The following TENM3 variants were observed in gnomAD, a reference collection of about 807,000 sequenced individuals.
TENM3 encodes teneurin-3.
A neutral mutation model predicts 255.1 loss-of-function variants in TENM3; 63 were observed. The observed-to-expected ratio is 0.25, with a 90% CI of 0.20 to 0.30. The LOEUF (loss-of-function observed/expected upper bound fraction) is 0.30, where lower values mean the gene tolerates loss of function less well. Among genes scored for constraint, TENM3 ranks in the 10% least tolerant of loss-of-function variants. The pLI is 1.00. For synonymous variants in TENM3, 1,306 were observed against 1,322.3 expected, an observed-to-expected ratio of 0.99 and a Z score of 0.27; for missense variants, 2,929 against 3,461.1, an observed-to-expected ratio of 0.85 and a Z score of 3.86.
chr4:182,498,712 G>A (rs557496515), intron 3 of TENM3, among the ~76,000 whole-genome samples: 117 of 152,204 alleles, frequency 7.7e-4, no homozygotes, highest in Middle Eastern at 3.4e-3. Flanking sequence ...AAAATTAGCC[G>A]GGCGTGGTGG....
intron 12 of TENM3, among the ~76,000 whole-genome samples, chr4:182,698,824 G>A (rs1341609133): frequency 6.6e-6 from 1 of 152,198 alleles, no homozygotes; most frequent in East Asian, 1.9e-4. Context: ...GCTACTGAGA[G>A]GTAAATTTCT....
At chr4:182,661,661 A>T (rs919433722) in intron 6 of TENM3, among the ~76,000 whole-genome samples, 1 of 152,162 alleles carries the variant, frequency 6.6e-6, no homozygotes, top group Non-Finnish European at 1.5e-5. Flanking sequence ...TTATAAAAAG[A>T]TATGTTCTCT....
the TENM3 span, among the ~76,000 whole-genome samples, chr4:181,625,793 G>A: frequency 6.7e-6 from 1 of 149,496 alleles, no homozygotes; most frequent in Non-Finnish European, 1.5e-5. Context: ...CAGCCTGGGC[G>A]ACAGAGCAAG....
At chr4:182,083,255 T>C in the TENM3 span, among the ~76,000 whole-genome samples, 32 of 152,322 alleles carry the variant, frequency 2.1e-4, no homozygotes, top group Middle Eastern at 6.8e-3. Flanking sequence ...TTGGGTCAAA[T>C]TGGGAGAACC....
At chr4:181,486,742 G>T in the TENM3 span, among the ~76,000 whole-genome samples, 3 of 152,052 alleles carry the variant, frequency 2.0e-5, no homozygotes, top group Non-Finnish European at 4.4e-5. Context: ...ATAAAAATTC[G>T]TTCTAGGTTA....
chr4:181,818,629 T>C, the TENM3 span, among the ~76,000 whole-genome samples: 1 of 150,556 alleles, frequency 6.6e-6, no homozygotes, highest in African/African-American at 2.5e-5. Flanking sequence ...TTTTTTTTGA[T>C]TTGGAGTTTA....
chr4:182,334,539 A>G (rs937170543), intron 2 of TENM3, among the ~76,000 whole-genome samples: 1 of 152,142 alleles, frequency 6.6e-6, no homozygotes, highest in African/African-American at 2.4e-5. Flanking sequence ...AAATGGAGTT[A>G]ATATGTATTT....
chr4:182,513,410 G>T (rs1272484514), intron 3 of TENM3, among the ~76,000 whole-genome samples: 3 of 151,694 alleles, frequency 2.0e-5, no homozygotes, highest in Non-Finnish European at 4.4e-5. Context: ...TAGGATTATG[G>T]AATTATTTTT....
the TENM3 span, among the ~76,000 whole-genome samples, chr4:181,723,123 G>A: frequency 0.16 from 24,487 of 151,788 alleles, 2,186 homozygotes; most frequent in South Asian, 0.24. Flanking sequence ...TCAGCAAATC[G>A]TCAAGATAAA....
At chr4:181,683,065 A>G in the TENM3 span, among the ~76,000 whole-genome samples, 1 of 151,554 alleles carries the variant, frequency 6.6e-6, no homozygotes, top group Non-Finnish European at 1.5e-5. Context: ...ATTTAAAAAA[A>G]TTAAATAAAA....
intron 2 of TENM3, among the ~76,000 whole-genome samples, chr4:182,334,789 TAAATTAAGATGGATTAAAGAC>T (rs1376919154): frequency 5.9e-5 from 9 of 152,082 alleles, no homozygotes; most frequent in Admixed American, 5.9e-4. Context: ...TATTCAAAAA[TAAATTAAGATGGATTAAAGAC>T]AAATGTAAAA....
intron 22 of TENM3, chr4:182,772,738 G>A (rs957055768): frequency 1.3e-5 from 2 of 151,488 alleles, no homozygotes; most frequent in Non-Finnish European, 2.9e-5. Context: ...TCTTGTATTT[G>A]TCTGCTAAAA....
At chr4:182,463,474 T>TC (rs1214252328) in intron 3 of TENM3, among the ~76,000 whole-genome samples, 2 of 149,562 alleles carry the variant, frequency 1.3e-5, no homozygotes, top group African/African-American at 4.9e-5. Context: ...TAGTATCACT[T>TC]TTTTTTTTTT....
chr4:182,261,690 C>T (rs1413674531), intron 1 of TENM3, among the ~76,000 whole-genome samples: 1 of 152,344 alleles, frequency 6.6e-6, no homozygotes, highest in East Asian at 1.9e-4. Context: ...AAATCCAAAT[C>T]GGGGCATTCC....
chr4:182,619,533 A>G (rs1749893153), intron 4 of TENM3, among the ~76,000 whole-genome samples: 2 of 152,340 alleles, frequency 1.3e-5, no homozygotes, highest in East Asian at 1.9e-4. Flanking sequence ...TTAAGAAGAC[A>G]TAAGAGCAAC....
At chr4:181,449,647 C>G in the TENM3 span, among the ~76,000 whole-genome samples, 1 of 151,926 alleles carries the variant, frequency 6.6e-6, no homozygotes, top group African/African-American at 2.4e-5. Context: ...TTTACCCGGG[C>G]ATGGTGGTGG....
At chr4:182,162,835 A>G (rs1004592213) in intron 1 of TENM3, among the ~76,000 whole-genome samples, 4 of 152,162 alleles carry the variant, frequency 2.6e-5, no homozygotes, top group African/African-American at 9.7e-5. Flanking sequence ...AATTCCATCC[A>G]TGAGAGCAGA....
intron 1 of TENM3, among the ~76,000 whole-genome samples, chr4:182,267,477 G>A (rs1759315387): frequency 1.3e-5 from 2 of 152,078 alleles, no homozygotes; most frequent in Admixed American, 1.3e-4. Flanking sequence ...AGCCCCATAG[G>A]GAACCAACCT....
intron 2 of TENM3, among the ~76,000 whole-genome samples, chr4:182,325,492 A>T (rs547503460): frequency 6.6e-6 from 1 of 152,320 alleles, no homozygotes; most frequent in East Asian, 1.9e-4. Flanking sequence ...ATAGCTTAAC[A>T]TTTTTAATCC....
Sources: allele counts gnomAD v4.1 joint callset (sites outside exome capture counted in the v4.1 genomes callset), GRCh38; gene constraint gnomAD v4.1.1; transcripts MANE v1.5; gene names NCBI Gene and HGNC (gene_info 2026-07-23, HGNC 2026-07-21).